SH3GL1: variants seen among roughly 807,000 people sequenced by gnomAD.
SH3GL1 encodes SH3 domain containing GRB2 like 1, endophilin A2, also known as endophilin-A2.
SH3GL1 carries 21 observed loss-of-function variants against 48.8 expected under a neutral mutation model. The observed-to-expected ratio is 0.43, with a 90% confidence interval of 0.30 to 0.62. The LOEUF (loss-of-function observed/expected upper bound fraction) is 0.62. SH3GL1 is among the 20% of genes least tolerant of loss of function. SH3GL1 has a pLI of 0.11. For missense variants in SH3GL1, 454 were observed against 503.0 expected, an observed-to-expected ratio of 0.90 and a Z score of 0.93; for synonymous variants, 282 against 217.5, an observed-to-expected ratio of 1.30 and a Z score of -2.61.
At chr19:4,371,244 A>G (rs1006428407) in intron 1 of SH3GL1, among the ~76,000 whole-genome samples, 1 of 152,230 alleles carries the variant, frequency 6.6e-6, no homozygotes, top group African/African-American at 2.4e-5. Context: ...AAAATACAGA[A>G]ATGAACTGTG....
At chr19:4,377,955 C>A (rs2144892555) in intron 1 of SH3GL1, among the ~76,000 whole-genome samples, 2 of 152,320 alleles carry the variant, frequency 1.3e-5, no homozygotes, top group East Asian at 3.9e-4. Flanking sequence ...CTTCCCAGGG[C>A]CCCTTCTGCC....
intron 8 of SH3GL1, 66 bp downstream of exon 8, chr19:4,362,546 G>A: frequency 6.2e-7 from 1 of 1,606,738 alleles, no homozygotes; most frequent in Non-Finnish European, 8.5e-7. Context: ...CCCAGGACAG[G>A]GCCAGCCCTT....
chr19:4,381,680 C>A (rs1338165664), intron 1 of SH3GL1, among the ~76,000 whole-genome samples: 2 of 116,642 alleles, frequency 1.7e-5, no homozygotes, highest in African/African-American at 6.3e-5. Flanking sequence ...TCTGTCACCC[C>A]CCACACGCCT....
intron 3 of SH3GL1, 123 bp from the exon 4 acceptor site, chr19:4,365,748 A>G: frequency 7.3e-7 from 1 of 1,375,370 alleles, no homozygotes; most frequent in Admixed American, 1.7e-5. Flanking sequence ...CCTAGGCCAC[A>G]CAAAGCACAG....
In SH3GL1 at chr19:4,366,968, G is replaced by T; in HGVS notation, c.72C>A (p.Ala24=). Residue 24 remains alanine (A), a synonymous_variant, in exon 2 of 10, where the codon GCC becomes GCA. Coordinates refer to ENST00000269886, the MANE Select transcript of SH3GL1 (RefSeq NM_003025.4). Reference sequence around the variant, plus strand: ...AGTCATCATCCAGCTTGGTCCCCTCGGCCCCTCCGACCTTCTCACTGACCA... The same window carrying T: ...AGTCATCATCCAGCTTGGTCCCCTCTGCCCCTCCGACCTTCTCACTGACCA... The part of the protein sequence containing the change: ...SQLVSEKVGG[A]EGTKLDDDFK... 6.2e-7 allele frequency: 1 copy of T among 1,613,896 alleles called. No individual in the cohort carries two copies. Among genetic ancestry groups the T allele is most frequent in the South Asian group, 1.1e-5 (1 of 91,078 alleles).
In SH3GL1 at chr19:4,364,913, TA is replaced by T. The variant is rs1366173036; in HGVS notation, c.331+568del. The stretch of plus-strand genomic sequence containing the variant: ...GTGTGTGTGTGTATATATATATATA[TA>T]TATTTTTTTTTTTTTAGTAGAAGCG... On this transcript the variant is annotated intron_variant, in intron 4 of 9. Transcript: ENST00000269886. 3.6e-3 allele frequency among the ~76,000 whole-genome samples: 473 copies of T among 131,252 alleles called. 2 individuals are homozygous for T. The highest frequency in any genetic ancestry group is 4.6e-3 in the African/African-American group (146 of 32,048). The allele number at this position is 131,252 out of a possible 152,430, so 86.1% of individuals were successfully genotyped here. A position where few individuals can be genotyped will look rare whatever the true frequency, so the allele number is the denominator to read the frequency against.
rs373324973 is a variant in SH3GL1, at chr19:4,364,866, T to TTGTGTGTGTGTGTGTGTGTGTGTGTGTG, written c.331+588_331+615dup. Among the ~76,000 whole-genome samples, 72 of 97,022 alleles carry TTGTGTGTGTGTGTGTGTGTGTGTGTGTG rather than the reference T, an allele frequency of 7.4e-4. 1 individual carries two copies. The highest frequency in any genetic ancestry group is 1.6e-3 in the African/African-American group (30 of 18,668). 63.7% of individuals were successfully genotyped at this position (97,022 alleles called of 152,430 possible). ...GGCATGCACTACCACACCCGGCTAATTGTGTGTGTGTGTGTGTGTGTGTGT... is the reference window on the plus strand; with the variant it reads ...GGCATGCACTACCACACCCGGCTAATTGTGTGTGTGTGTGTGTGTGTGTGTGTGTGTGTGTGTGTGTGTGTGTGTGTGT... On this transcript the variant is annotated intron_variant, in intron 4 of 9. Coordinates refer to ENST00000269886, the MANE Select transcript of SH3GL1 (RefSeq NM_003025.4).
In SH3GL1 at chr19:4,367,184, C is replaced by T. The variant is rs945264407; in HGVS notation, c.46-190G>A. ...CACGCTGCCTGCAGAGCAGGGTGGG[C>T]CTGCAGGGGGAGGGGGAGGGTGGGG... On this transcript the variant is annotated intron_variant, in intron 1 of 9. Transcript: ENST00000269886. This position sits in a 1 kb window ranked among gnomAD's most constrained non-coding sequence, Gnocchi z 4.2. Among the ~76,000 whole-genome samples, 8 of 152,074 alleles carry T rather than the reference C, an allele frequency of 5.3e-5. No homozygotes were observed. Among genetic ancestry groups the T allele is most frequent in the African/African-American group, 1.9e-4 (8 of 41,424 alleles).
intron 1 of SH3GL1, among the ~76,000 whole-genome samples, chr19:4,385,745 CTG>C (rs1330314656): frequency 5.9e-5 from 9 of 152,148 alleles, no homozygotes; most frequent in African/African-American, 2.2e-4. Flanking sequence ...TGGGAGAACA[CTG>C]GAAAAATACA....
At chr19:4,391,331 G>A (rs931997705) in intron 1 of SH3GL1, among the ~76,000 whole-genome samples, 5 of 152,112 alleles carry the variant, frequency 3.3e-5, no homozygotes, top group Admixed American at 2.0e-4. Context: ...ACCTCATCTC[G>A]CACTCACAGG....
chr19:4,374,277 C>T (rs532058291), intron 1 of SH3GL1, among the ~76,000 whole-genome samples: 2 of 152,302 alleles, frequency 1.3e-5, no homozygotes, highest in South Asian at 2.1e-4. Context: ...AATTGCTCAG[C>T]GGTGGCCACA....
At chr19:4,384,731 G>A (rs1032581127) in intron 1 of SH3GL1, among the ~76,000 whole-genome samples, 4 of 152,220 alleles carry the variant, frequency 2.6e-5, no homozygotes, top group African/African-American at 4.8e-5. Context: ...GAATAACCAC[G>A]AGGGAAAGCC....
At chr19:4,372,605 C>T (rs897445880) in intron 1 of SH3GL1, among the ~76,000 whole-genome samples, 13 of 152,192 alleles carry the variant, frequency 8.5e-5, no homozygotes, top group Admixed American at 6.5e-4. Flanking sequence ...GTATCATATC[C>T]GTGTGTCTCT....
At chr19:4,365,435 G>A (rs750969805) in intron 4 of SH3GL1, 47 bp downstream of exon 4, 5 of 1,610,752 alleles carry the variant, frequency 3.1e-6, no homozygotes, top group Non-Finnish European at 3.4e-6. Flanking sequence ...GTGTTGAGGT[G>A]TGGCCTCCAG....
rs144601186 is a variant in SH3GL1, at chr19:4,373,925, G to A, written c.46-6931C>T. On this transcript the variant is annotated intron_variant, in intron 1 of 9. Transcript: ENST00000269886. Reference sequence around the variant, plus strand: ...CCGCAGTCTAAATCGCCTTGGGGGTGCGTTTCTGCCAACTGTGGTGCTGGC... The same window carrying A: ...CCGCAGTCTAAATCGCCTTGGGGGTACGTTTCTGCCAACTGTGGTGCTGGC... Among the ~76,000 whole-genome samples, 944 of 152,374 alleles carry A rather than the reference G, an allele frequency of 6.2e-3. 10 individuals are homozygous for A. Among genetic ancestry groups the A allele is most frequent in the African/African-American group, 0.022 (908 of 41,588 alleles).
chr19:4,369,431 C>A (rs1039757879), intron 1 of SH3GL1, among the ~76,000 whole-genome samples: 2 of 152,246 alleles, frequency 1.3e-5, no homozygotes, highest in African/African-American at 4.8e-5. Flanking sequence ...GCGGAGGCCA[C>A]CCCGGCCCCA....
rs568530487 is a variant in SH3GL1, at chr19:4,368,955, C to G, written c.46-1961G>C. The stretch of plus-strand genomic sequence containing the variant: ...GGCCTGATGGCGGGTGCCTGTAGTC[C>G]CAGCTACTCGGGAGGCTGAGGTAGG... On this transcript the variant is annotated intron_variant, in intron 1 of 9. Transcript: ENST00000269886. Among the ~76,000 whole-genome samples the G allele has an allele frequency of 2.0e-5, 3 of 152,228 alleles. No homozygotes were observed. The East Asian group carries it at 5.8e-4, about 29-fold the overall frequency.
chr19:4,379,118 C>G (rs972767370), intron 1 of SH3GL1, among the ~76,000 whole-genome samples: 1 of 152,220 alleles, frequency 6.6e-6, no homozygotes, highest in African/African-American at 2.4e-5. Flanking sequence ...ATGGCCGTGA[C>G]ACAAATTCTG....
chr19:4,389,177 A>C lies in SH3GL1; in HGVS notation c.45+11147T>G. Among the ~76,000 whole-genome samples, 1 of 152,200 alleles carries C rather than the reference A, an allele frequency of 6.6e-6. No individual in the cohort carries two copies. Among genetic ancestry groups the C allele is most frequent in the East Asian group, 1.9e-4 (1 of 5,196 alleles). On this transcript the variant is annotated intron_variant, in intron 1 of 9. Coordinates refer to ENST00000269886, the MANE Select transcript of SH3GL1 (RefSeq NM_003025.4). The surrounding 1 kb of genome is among the most constrained non-coding windows in gnomAD (Gnocchi z 4.5). ...CAACCTCATCAGCAGGCCAGTGCCCAGCAGAACATGGCCCATCACACATGC... is the reference window on the plus strand; with the variant it reads ...CAACCTCATCAGCAGGCCAGTGCCCCGCAGAACATGGCCCATCACACATGC...
Sources: allele counts gnomAD v4.1 joint callset (sites outside exome capture counted in the v4.1 genomes callset), GRCh38; gene constraint gnomAD v4.1.1; non-coding constraint Gnocchi (gnomAD v3.1); transcripts MANE v1.5; gene names NCBI Gene and HGNC (gene_info 2026-07-23, HGNC 2026-07-21).